ENAH: variants seen among roughly 807,000 people sequenced by gnomAD.
ENAH encodes protein enabled homolog.
In ENAH, 23 loss-of-function variants were observed where a neutral mutation model predicts 78.7. That is an observed-to-expected ratio of 0.29 (90% confidence interval 0.21 to 0.41). ENAH has a LOEUF of 0.41. ENAH is among the 10% of genes least tolerant of loss of function. ENAH has a pLI of 1.00. For synonymous variants in ENAH, 226 were observed against 241.0 expected (o/e 0.94, Z 0.58); for missense variants, 544 against 691.0 (o/e 0.79, Z 2.39).
intron 1 of ENAH, chr1:225,581,245 T>C: frequency 1.0e-6 from 1 of 979,436 alleles, no homozygotes; most frequent in Non-Finnish European, 1.2e-6. Flanking sequence ...GAATAGATTA[T>C]TTCACCTGTT....
At chr1:225,578,406 G>C (rs1453285167) in intron 1 of ENAH, among the ~76,000 whole-genome samples, 1 of 152,158 alleles carries the variant, frequency 6.6e-6, no homozygotes, top group East Asian at 1.9e-4. Context: ...GCCCAGGAGT[G>C]CAAGGTTACA....
In ENAH at chr1:225,519,447, G is replaced by A; in HGVS notation, c.553C>T (p.Arg185Ter). 1 of 1,612,328 alleles carries A rather than the reference G, an allele frequency of 6.2e-7. No homozygotes were observed. The change falls in exon 5 of 14, where the codon CGA (arginine) becomes TGA (stop). Residue 185 changes from arginine to a stop codon, truncating the protein, a stop_gained. Coordinates refer to ENST00000366843, the MANE Select transcript of ENAH (RefSeq NM_018212.6). LOFTEE classifies it high-confidence loss of function. ...CTCTCCAGCTGTTCTTGTTCCAGTCGCTCCCTCTCCAGCCTTTCCCTTTCT... is the reference window on the plus strand; with the variant it reads ...CTCTCCAGCTGTTCTTGTTCCAGTCACTCCCTCTCCAGCCTTTCCCTTTCT... ...RLERERLERERLEQEQLERER... is the reference protein window; with the variant it reads ...RLERERLERE
In ENAH at chr1:225,488,556, C is replaced by T. The variant is rs1260550133; in HGVS notation, c.*9219G>A. On this transcript the variant is annotated 3_prime_UTR_variant, in exon 14 of 14. Coordinates refer to ENST00000366843, the MANE Select transcript of ENAH (RefSeq NM_018212.6). ...TTCTATGCAAATATGTAAGTACTGT[C>T]ATTGAGGATTACAGAAATACTTTGC... The T allele has an allele frequency of 6.6e-6, 1 of 152,136 alleles. No individual in the cohort carries two copies. The highest frequency in any genetic ancestry group is 1.5e-5 in the Non-Finnish European group (1 of 68,036). The allele number at this position is 152,136 out of a possible 1,614,324, so 9.4% of individuals were successfully genotyped here.
At chr1:225,629,780 G>C (rs890583009) in intron 1 of ENAH, among the ~76,000 whole-genome samples, 12 of 152,040 alleles carry the variant, frequency 7.9e-5, no homozygotes, top group African/African-American at 2.9e-4. Flanking sequence ...CCTCCCTATT[G>C]CTCTTTATTC....
chr1:225,565,763 G>C lies in ENAH; in HGVS notation c.171+1486C>G, dbSNP rs556493719. 2.0e-5 allele frequency among the ~76,000 whole-genome samples: 3 copies of C among 152,140 alleles called. No homozygotes were observed. The South Asian group carries it at 6.2e-4, about 32-fold the overall frequency. On this transcript the variant is annotated intron_variant, in intron 2 of 13. Transcript: ENST00000366843. ...GAACCTGGACTACAAATGGGACAAA[G>C]GGGGCTCTTGGTAAAAAGCCTGGGA...
At chr1:225,563,690 T>A (rs2096720149) in intron 2 of ENAH, among the ~76,000 whole-genome samples, 1 of 152,224 alleles carries the variant, frequency 6.6e-6, no homozygotes, top group Non-Finnish European at 1.5e-5. Context: ...TAATATCTTA[T>A]TGAGGACTAT....
At chr1:225,602,808 A>G (rs1199732515) in intron 1 of ENAH, among the ~76,000 whole-genome samples, 1 of 152,098 alleles carries the variant, frequency 6.6e-6, no homozygotes, top group East Asian at 1.9e-4. Flanking sequence ...ATCATCATCT[A>G]TCTAGAAGAA....
At chr1:225,534,673 G>A (rs2096553365) in intron 3 of ENAH, among the ~76,000 whole-genome samples, 1 of 151,954 alleles carries the variant, frequency 6.6e-6, no homozygotes, top group African/African-American at 2.4e-5. Flanking sequence ...AGGTACACAT[G>A]AATCAAAAAG....
chr1:225,608,022 G>A (rs1292307037), intron 1 of ENAH, among the ~76,000 whole-genome samples: 1 of 151,774 alleles, frequency 6.6e-6, no homozygotes, highest in Non-Finnish European at 1.5e-5. Flanking sequence ...TTGAAAGATA[G>A]GAATCAAAAC....
intron 4 of ENAH, among the ~76,000 whole-genome samples, chr1:225,528,715 G>C (rs952697141): frequency 1.3e-5 from 2 of 152,132 alleles, no homozygotes; most frequent in Non-Finnish European, 2.9e-5. Flanking sequence ...GGAGTTATAT[G>C]TTTAGAATTC....
chr1:225,513,930 A>G (rs1294175948), intron 7 of ENAH, among the ~76,000 whole-genome samples: 2 of 151,908 alleles, frequency 1.3e-5, no homozygotes, highest in African/African-American at 4.8e-5. Context: ...TGGAGGTTGC[A>G]GTGAGCTGAG....
intron 1 of ENAH, among the ~76,000 whole-genome samples, chr1:225,613,915 T>C (rs1036788529): frequency 1.3e-5 from 2 of 152,244 alleles, no homozygotes; most frequent in African/African-American, 2.4e-5. Flanking sequence ...CTAATGCCAA[T>C]CTCATGCCCC....
At chr1:225,549,535 C>T (rs1268622408) in intron 3 of ENAH, among the ~76,000 whole-genome samples, 2 of 152,178 alleles carry the variant, frequency 1.3e-5, no homozygotes, top group African/African-American at 4.8e-5. Flanking sequence ...GCCACTAATG[C>T]CACTGTCTAG....
chr1:225,602,544 AAAG>A (rs1251553309), intron 1 of ENAH, among the ~76,000 whole-genome samples: 15 of 152,184 alleles, frequency 9.9e-5, no homozygotes, highest in East Asian at 5.8e-4. Flanking sequence ...CAACTGGACA[AAAG>A]AAGAACCTAC....
intron 1 of ENAH, among the ~76,000 whole-genome samples, chr1:225,610,010 T>TA (rs1214765045): frequency 6.6e-6 from 1 of 152,126 alleles, no homozygotes; most frequent in Non-Finnish European, 1.5e-5. Flanking sequence ...TATAAATTAT[T>TA]AATATGTACA....
intron 1 of ENAH, among the ~76,000 whole-genome samples, chr1:225,584,846 T>C (rs941084207): frequency 1.3e-5 from 2 of 152,192 alleles, no homozygotes; most frequent in African/African-American, 4.8e-5. Flanking sequence ...GAGGAATTTT[T>C]CAAAATTATA....
chr1:225,607,144 C>T (rs1307199104), intron 1 of ENAH, among the ~76,000 whole-genome samples: 1 of 151,870 alleles, frequency 6.6e-6, no homozygotes, highest in Non-Finnish European at 1.5e-5. Flanking sequence ...CAGGAGTGTG[C>T]AATCTTTTGG....
intron 3 of ENAH, among the ~76,000 whole-genome samples, chr1:225,550,043 C>G (rs954461420): frequency 6.6e-6 from 1 of 152,200 alleles, no homozygotes; most frequent in African/African-American, 2.4e-5. Context: ...GCACTAGGCC[C>G]TTCCCAACCT....
intron 1 of ENAH, chr1:225,581,317 A>G (rs2096816432): frequency 2.0e-6 from 2 of 984,290 alleles, no homozygotes; most frequent in Middle Eastern, 5.2e-4. Flanking sequence ...GCCTCTCAAA[A>G]TACTTTCCAA....
Sources: gnomAD v4.1 joint callset for allele counts (sites outside exome capture counted in the v4.1 genomes callset) on GRCh38, gnomAD v4.1.1 for gene constraint, MANE v1.5 for transcripts, NCBI Gene and HGNC (gene_info 2026-07-23, HGNC 2026-07-21) for gene names.